CHST9: variants seen among roughly 807,000 people sequenced by gnomAD.
CHST9 encodes the protein carbohydrate sulfotransferase 9.
CHST9 carries 41 observed loss-of-function variants against 44.4 expected under a neutral mutation model. The observed-to-expected ratio is 0.92, with a 90% CI of 0.72 to 1.20. The LOEUF is 1.20. Ranked by LOEUF, CHST9 falls within the 50% of genes most tolerant of loss-of-function variation. The pLI is 0.00. For synonymous variants in CHST9, 171 were observed against 178.4 expected (o/e 0.96, Z 0.33); for missense variants, 504 against 516.5 (o/e 0.98, Z 0.23).
intron 4 of CHST9, among the ~76,000 whole-genome samples, chr18:26,953,496 A>C (rs2056279854): frequency 6.6e-6 from 1 of 152,134 alleles, no homozygotes; most frequent in Admixed American, 6.5e-5. Flanking sequence ...AAATTGGAGA[A>C]TATCTAGGAG....
rs540375477 is a variant in CHST9, at chr18:26,927,833, C to T, written c.241-10483G>A. On this transcript the variant is annotated intron_variant, in intron 5 of 5. Coordinates refer to ENST00000618847, the MANE Select transcript of CHST9 (RefSeq NM_031422.6). Reference sequence around the variant, plus strand: ...GCACAGACCATTTATGGGTGTCAGGCTGGGGGACGATCAGGTCTTTCCCTT... The same window carrying T: ...GCACAGACCATTTATGGGTGTCAGGTTGGGGGACGATCAGGTCTTTCCCTT... 9.2e-5 allele frequency among the ~76,000 whole-genome samples: 14 copies of T among 152,062 alleles called. No homozygotes were observed. The South Asian group carries it at 1.0e-3, about 11-fold the overall frequency.
chr18:26,952,842 A>C (rs1043660841), intron 4 of CHST9, among the ~76,000 whole-genome samples: 2 of 152,310 alleles, frequency 1.3e-5, no homozygotes, highest in South Asian at 4.1e-4. Flanking sequence ...GCAGAGAGAA[A>C]TAAGTGAAGA....
At chr18:27,024,260 G>T in intron 3 of CHST9, 103 bp from the exon 4 acceptor site, 1 of 876,020 alleles carries the variant, frequency 1.1e-6, no homozygotes, top group Non-Finnish European at 1.7e-6. Flanking sequence ...TATTTTATTT[G>T]TAACAAGGAA....
chr18:26,920,342 T>A (rs1353594148), intron 5 of CHST9, among the ~76,000 whole-genome samples: 1 of 152,218 alleles, frequency 6.6e-6, no homozygotes, highest in African/African-American at 2.4e-5. Flanking sequence ...TCTTCAGCTC[T>A]CAGTTGGAAA....
chr18:26,963,554 T>C (rs2145154728), intron 4 of CHST9, among the ~76,000 whole-genome samples: 1 of 149,432 alleles, frequency 6.7e-6, no homozygotes, highest in East Asian at 2.0e-4. Context: ...AGATTCCAGC[T>C]TCTGTTTTTA....
At chr18:27,081,876 C>T (rs1325018672) in intron 2 of CHST9, among the ~76,000 whole-genome samples, 3 of 152,184 alleles carry the variant, frequency 2.0e-5, no homozygotes, top group Non-Finnish European at 2.9e-5. Context: ...CTAAAACTTC[C>T]TGCTACATGA....
At chr18:27,082,575 A>G (rs1435027937) in intron 2 of CHST9, among the ~76,000 whole-genome samples, 1 of 152,184 alleles carries the variant, frequency 6.6e-6, no homozygotes, top group Non-Finnish European at 1.5e-5. Context: ...AAAATTAATG[A>G]CTGAATTACA....
Position 27,131,444 on chromosome 18 carries a change from G to A in CHST9, c.121+11245C>T, listed in dbSNP as rs577871670. On this transcript the variant is annotated intron_variant, in intron 2 of 5. Coordinates refer to ENST00000618847, the MANE Select transcript of CHST9 (RefSeq NM_031422.6). ...CGCACGCCTGTACTTCCAGCTACTT[G>A]GGTGGCTGAGGCAGGAGAATTGCTT... Among the ~76,000 whole-genome samples the A allele has an allele frequency of 5.3e-5, 8 of 152,310 alleles. No individual in the cohort carries two copies. The South Asian group carries it at 1.7e-3, about 32-fold the overall frequency.
chr18:27,174,267 G>A (rs2058852139), intron 1 of CHST9, among the ~76,000 whole-genome samples: 1 of 151,486 alleles, frequency 6.6e-6, no homozygotes, highest in Non-Finnish European at 1.5e-5. Context: ...GGCTTTTTTT[G>A]TTAATCACAC....
intron 2 of CHST9, among the ~76,000 whole-genome samples, chr18:27,141,222 G>C (rs1046408450): frequency 2.0e-5 from 3 of 152,032 alleles, no homozygotes; most frequent in African/African-American, 7.2e-5. Flanking sequence ...GAAATTAGCC[G>C]GGCGTGGTGG....
intron 4 of CHST9, among the ~76,000 whole-genome samples, chr18:26,965,567 G>A (rs28667962): frequency 1.1e-3 from 167 of 152,264 alleles, no homozygotes; most frequent in African/African-American, 3.8e-3. Flanking sequence ...GAGCAACACT[G>A]GGCAACTTAT....
At chr18:27,161,978 C>T (rs1040265904) in intron 1 of CHST9, among the ~76,000 whole-genome samples, 1 of 151,690 alleles carries the variant, frequency 6.6e-6, no homozygotes, top group African/African-American at 2.4e-5. Context: ...TTCCTCCATC[C>T]CTTTATTTTG....
chr18:27,034,262 T>G (rs1465088110), intron 3 of CHST9, among the ~76,000 whole-genome samples: 1 of 152,220 alleles, frequency 6.6e-6, no homozygotes. Context: ...TTTCGTATCC[T>G]TCCACATCCA....
At chr18:27,047,656 G>GA (rs61557357) in intron 3 of CHST9, among the ~76,000 whole-genome samples, 55,264 of 151,826 alleles carry the variant, frequency 0.36, 10,773 homozygotes, top group Non-Finnish European at 0.45. Context: ...GACAGGAAAT[G>GA]AAGCTAAAAG....
chr18:26,931,664 C>A (rs923554690), intron 5 of CHST9, among the ~76,000 whole-genome samples: 2 of 152,178 alleles, frequency 1.3e-5, no homozygotes, highest in African/African-American at 4.8e-5. Context: ...TCCACTCCTG[C>A]CAGGGCTCCA....
chr18:26,928,941 C>T (rs962596333), intron 5 of CHST9, among the ~76,000 whole-genome samples: 5 of 152,160 alleles, frequency 3.3e-5, no homozygotes, highest in African/African-American at 1.2e-4. Flanking sequence ...AGTCCATTAA[C>T]ATTCCTGAGT....
intron 5 of CHST9, among the ~76,000 whole-genome samples, chr18:26,929,859 CGTAA>C (rs2055844932): frequency 6.6e-6 from 1 of 152,094 alleles, no homozygotes; most frequent in Admixed American, 6.5e-5. Context: ...GGGGCTATGA[CGTAA>C]GTGACACTCC....
chr18:26,918,041 T>C (rs2055570487), intron 5 of CHST9, among the ~76,000 whole-genome samples: 1 of 152,168 alleles, frequency 6.6e-6, no homozygotes, highest in Admixed American at 6.5e-5. Context: ...GACGTCCTGC[T>C]CTATAAAACT....
At chr18:27,095,166 C>CAAGATGAGGG (rs2058105209) in intron 2 of CHST9, among the ~76,000 whole-genome samples, 1 of 152,058 alleles carries the variant, frequency 6.6e-6, no homozygotes, top group South Asian at 2.1e-4. Context: ...GAGTAATTAG[C>CAAGATGAGGG]AAGATGAGGG....
Sources: gnomAD v4.1 joint callset for allele counts (sites outside exome capture counted in the v4.1 genomes callset) on GRCh38, gnomAD v4.1.1 for gene constraint, MANE v1.5 for transcripts, NCBI Gene and HGNC (gene_info 2026-07-23, HGNC 2026-07-21) for gene names.